NRBF2: variants seen among roughly 807,000 people sequenced by gnomAD.
NRBF2 encodes the protein nuclear receptor binding factor 2.
NRBF2 carries 12 observed loss-of-function variants against 28.5 expected under a neutral mutation model. The ratio of observed to expected loss-of-function variants is 0.42; its 90% CI spans 0.27 to 0.68. The LOEUF (loss-of-function observed/expected upper bound fraction) is 0.68, where lower values mean the gene tolerates loss of function less well. Among genes scored for constraint, NRBF2 ranks in the 30% least tolerant of loss-of-function variants. The probability of loss-of-function intolerance (pLI) is 0.24; values close to 1 mark genes in which losing one functional copy is unlikely to be tolerated. For synonymous variants in NRBF2, 102 were observed against 116.5 expected (o/e 0.88, Z 0.80); for missense variants, 274 against 333.5 (o/e 0.82, Z 1.39).
At chr10:63,143,198 G>A (rs1241986469) in intron 1 of NRBF2, among the ~76,000 whole-genome samples, 3 of 152,184 alleles carry the variant, frequency 2.0e-5, no homozygotes, top group South Asian at 2.1e-4. Flanking sequence ...TGAAAGGCAC[G>A]AATCTTGTCT....
intron 1 of NRBF2, among the ~76,000 whole-genome samples, chr10:63,138,398 C>A (rs1056261880): frequency 6.6e-6 from 1 of 151,738 alleles, no homozygotes; most frequent in African/African-American, 2.4e-5. Context: ...ACAGGAGAAT[C>A]GCTTGAACCT....
chr10:63,136,391 T>C (rs531942512), intron 1 of NRBF2, among the ~76,000 whole-genome samples: 5 of 152,330 alleles, frequency 3.3e-5, no homozygotes, highest in African/African-American at 1.2e-4. Flanking sequence ...TTTGAATGTC[T>C]TTGAAAATTC....
At chr10:63,143,397 T>C (rs748063028) in intron 1 of NRBF2, among the ~76,000 whole-genome samples, 2 of 152,154 alleles carry the variant, frequency 1.3e-5, no homozygotes, top group African/African-American at 2.4e-5. Flanking sequence ...TTATGCAGCA[T>C]CAAAGGGACA....
intron 1 of NRBF2, among the ~76,000 whole-genome samples, chr10:63,142,161 AG>A (rs1214791561): frequency 6.6e-6 from 1 of 152,230 alleles, no homozygotes; most frequent in Non-Finnish European, 1.5e-5. Flanking sequence ...GATAGAAAAA[AG>A]GTGTTAGAAT....
chr10:63,150,287 A>T (rs1202537859), intron 2 of NRBF2: 1 of 648,398 alleles, frequency 1.5e-6, no homozygotes, highest in East Asian at 1.4e-4. Flanking sequence ...AAAGGAAAAG[A>T]AATAGTATGC....
intron 1 of NRBF2, among the ~76,000 whole-genome samples, chr10:63,138,483 C>CA (rs35901425): frequency 0.25 from 27,836 of 111,318 alleles, 3,527 homozygotes; most frequent in Non-Finnish European, 0.34. Context: ...GACCTTGTCG[C>CA]AAAAAAAAAA....
chr10:63,148,590 A>C (rs947290328), intron 2 of NRBF2, among the ~76,000 whole-genome samples: 14 of 152,242 alleles, frequency 9.2e-5, no homozygotes, highest in African/African-American at 3.1e-4. Flanking sequence ...CTGGGTGTCC[A>C]CCTGTCAAAG....
chr10:63,152,480 T>G (rs1175073734), intron 3 of NRBF2, among the ~76,000 whole-genome samples: 1 of 152,228 alleles, frequency 6.6e-6, no homozygotes, highest in Non-Finnish European at 1.5e-5. Context: ...TTCCTAATCA[T>G]TAGCTCTTAT....
chr10:63,137,890 G>A (rs1841398933), intron 1 of NRBF2, among the ~76,000 whole-genome samples: 1 of 152,132 alleles, frequency 6.6e-6, no homozygotes, highest in South Asian at 2.1e-4. Context: ...GAGATATCCA[G>A]CAATTATTGC....
intron 3 of NRBF2, 46 bp from the exon 4 acceptor site, chr10:63,153,465 A>G (rs753854670): frequency 7.1e-6 from 10 of 1,402,620 alleles, no homozygotes. Context: ...CATTACTAAG[A>G]TACTTAAAAT....
At position 63,153,562 on chromosome 10, in the gene NRBF2, C is replaced by T. The variant is rs55723222; in HGVS notation, c.208C>T (p.Leu70Phe). 1 of 1,611,940 alleles carries T rather than the reference C, an allele frequency of 6.2e-7. No homozygotes were observed. Among genetic ancestry groups the T allele is most frequent in the Non-Finnish European group, 8.5e-7 (1 of 1,179,844 alleles). The change falls in exon 4 of 4, where the codon CTC (leucine) becomes TTC (phenylalanine). Residue 70 changes from leucine (L) to phenylalanine (F), a missense_variant. By Grantham distance (22) the Leu-to-Phe change is conservative. Transcript: ENST00000277746. Reference sequence around the variant, plus strand: ...GGATAGCCATATGAAACAGCTCCTCCTCATCCAAGAGAGATGGAAAAGGGC... The same window carrying T: ...GGATAGCCATATGAAACAGCTCCTCTTCATCCAAGAGAGATGGAAAAGGGC... The part of the protein sequence containing the change: ...QRDSHMKQLL[L>F]IQERWKRAQR...
intron 2 of NRBF2, 112 bp downstream of exon 2, chr10:63,146,405 A>G (rs1841562008): frequency 1.6e-6 from 1 of 644,158 alleles, no homozygotes; most frequent in South Asian, 2.1e-5. Flanking sequence ...CCACCAGAAT[A>G]TCAGCTTTGA....
rs142185870 is a variant in NRBF2, at chr10:63,146,029, A to G, written c.31-180A>G. ...GTGAAAGAAGTTGCCAGTTCCTTTC[A>G]GATGCTGCAGTTCTAGGCTCTACCC... On this transcript the variant is annotated intron_variant, in intron 1 of 3. Transcript: ENST00000277746. Among the ~76,000 whole-genome samples the G allele has an allele frequency of 4.3e-3, 657 of 152,360 alleles. 6 individuals carry two copies. The highest frequency in any genetic ancestry group is 7.1e-3 in the Non-Finnish European group (482 of 68,038).
intron 1 of NRBF2, among the ~76,000 whole-genome samples, chr10:63,143,290 A>G (rs925080088): frequency 3.9e-5 from 6 of 152,176 alleles, no homozygotes; most frequent in Non-Finnish European, 7.3e-5. Context: ...GCTGTTTTCT[A>G]CTTTTGTCTT....
At chr10:63,140,405 A>G (rs980255169) in intron 1 of NRBF2, among the ~76,000 whole-genome samples, 4 of 152,136 alleles carry the variant, frequency 2.6e-5, no homozygotes, top group Admixed American at 2.6e-4. Flanking sequence ...CCAGAGAAAC[A>G]TGTTTATGGA....
In NRBF2 at chr10:63,145,101, C is replaced by CTTT. The variant is rs34823556; in HGVS notation, c.31-1087_31-1085dup. Among the ~76,000 whole-genome samples, 349 of 85,886 alleles carry CTTT rather than the reference C, an allele frequency of 4.1e-3. 1 individual carries two copies. Among genetic ancestry groups the CTTT allele is most frequent in the East Asian group, 0.01 (24 of 2,378 alleles). The allele number at this position is 85,886 out of a possible 152,430, so 56.3% of individuals were successfully genotyped here. ...GCAGCTGAAATAATGTATATTAAAGCTTTTTTTTTTTTTTTTTTTTTTTGA... is the reference window on the plus strand; with the variant it reads ...GCAGCTGAAATAATGTATATTAAAGCTTTTTTTTTTTTTTTTTTTTTTTTTTGA... On this transcript the variant is annotated intron_variant, in intron 1 of 3. Transcript: ENST00000277746.
At chr10:63,152,787 A>G (rs1841669310) in intron 3 of NRBF2, among the ~76,000 whole-genome samples, 1 of 152,180 alleles carries the variant, frequency 6.6e-6, no homozygotes, top group South Asian at 2.1e-4. Context: ...ACTTGAGCCC[A>G]GGAGTTCGAG....
At chr10:63,135,505 T>C (rs1046869287) in intron 1 of NRBF2, among the ~76,000 whole-genome samples, 5 of 152,274 alleles carry the variant, frequency 3.3e-5, no homozygotes, top group African/African-American at 1.2e-4. Context: ...AAAAATTAGT[T>C]AAATGGTGGC....
At chr10:63,145,461 A>C (rs943937276) in intron 1 of NRBF2, among the ~76,000 whole-genome samples, 1 of 152,150 alleles carries the variant, frequency 6.6e-6, no homozygotes, top group Admixed American at 6.6e-5. Context: ...CGCCTGCCTC[A>C]GCCTCCCAAA....
Sources: allele counts gnomAD v4.1 joint callset (sites outside exome capture counted in the v4.1 genomes callset), GRCh38; gene constraint gnomAD v4.1.1; transcripts MANE v1.5; gene names NCBI Gene and HGNC (gene_info 2026-07-23, HGNC 2026-07-21).